Variants in FOXN3 observed in about 807,000 individuals in gnomAD.
FOXN3 encodes the protein forkhead box N3.
FOXN3 carries 7 observed loss-of-function variants against 38.4 expected under a neutral mutation model. The observed-to-expected ratio is 0.18, with a 90% CI of 0.10 to 0.34. FOXN3 has a LOEUF of 0.34. Among genes scored for constraint, FOXN3 ranks in the 10% least tolerant of loss-of-function variants. The pLI, the probability that FOXN3 is intolerant of heterozygous loss-of-function variation, is 1.00. For synonymous variants in FOXN3, 230 were observed against 242.2 expected, an observed-to-expected ratio of 0.95 and a Z score of 0.47; for missense variants, 456 against 613.4, an observed-to-expected ratio of 0.74 and a Z score of 2.71.
chr14:89,198,997 GAAGT>G (rs1596097286), intron 4 of FOXN3, among the ~76,000 whole-genome samples: 1 of 152,178 alleles, frequency 6.6e-6, no homozygotes, highest in Admixed American at 6.5e-5. Context: ...TGAAATCACT[GAAGT>G]AAGTAAGAGC....
chr14:89,246,705 A>AT (rs1250561288), intron 4 of FOXN3, among the ~76,000 whole-genome samples: 9 of 151,562 alleles, frequency 5.9e-5, no homozygotes, highest in Admixed American at 5.9e-4. Context: ...CGCCTGGCTA[A>AT]TTTTTTGTAT....
At chr14:89,395,080 G>A (rs1182295969) in intron 2 of FOXN3, among the ~76,000 whole-genome samples, 2 of 152,212 alleles carry the variant, frequency 1.3e-5, no homozygotes, top group Non-Finnish European at 2.9e-5. Flanking sequence ...TGTTATGTAA[G>A]CTGCCACATC....
chr14:89,273,916 GA>G, intron 4 of FOXN3, among the ~76,000 whole-genome samples: 1 of 152,344 alleles, frequency 6.6e-6, no homozygotes, highest in East Asian at 1.9e-4. Context: ...GTGTTGGGGG[GA>G]ATGGAGAGAG....
intron 2 of FOXN3, among the ~76,000 whole-genome samples, chr14:89,397,148 G>T (rs952661707): frequency 5.3e-5 from 8 of 152,098 alleles, no homozygotes; most frequent in African/African-American, 1.7e-4. Context: ...CATGGATGCA[G>T]CTGGAGGCCA....
In FOXN3 at chr14:89,181,016, G is replaced by GCACA. The variant is rs149735845; in HGVS notation, c.746-214_746-211dup. Among the ~76,000 whole-genome samples, 834 of 149,250 alleles carry GCACA rather than the reference G, an allele frequency of 5.6e-3. 6 individuals carry two copies. The highest frequency in any genetic ancestry group is 7.7e-3 in the Non-Finnish European group (519 of 67,118). ...CACACACTCACACAGTCATGCACGCGCACACACACACACATGCAGACACGT... is the reference window on the plus strand; with the variant it reads ...CACACACTCACACAGTCATGCACGCGCACACACACACACACACATGCAGACACGT... On this transcript the variant is annotated intron_variant, in intron 4 of 5. Coordinates refer to ENST00000557258, the MANE Select transcript of FOXN3 (RefSeq NM_005197.4).
rs151284527 is a variant in FOXN3 at position 89,367,726 on chromosome 14, C to T, written c.544-16918G>A. Among the ~76,000 whole-genome samples the T allele has an allele frequency of 5.2e-3, 796 of 152,260 alleles. 25 individuals carry two copies. Among genetic ancestry groups the T allele is most frequent in the Admixed American group, 0.046 (699 of 15,294 alleles). On this transcript the variant is annotated intron_variant, in intron 2 of 5. Coordinates refer to ENST00000557258, the MANE Select transcript of FOXN3 (RefSeq NM_005197.4). ...GAATCTACCCAGAAAGACCAACTGA[C>T]CTGGCCCCTGGGAACAGTGGCAGCA...
intron 1 of FOXN3, among the ~76,000 whole-genome samples, chr14:89,597,091 C>T (rs938811627): frequency 1.3e-5 from 2 of 152,092 alleles, no homozygotes; most frequent in Admixed American, 6.5e-5. Flanking sequence ...CTAATATATG[C>T]AAATATAAAT....
chr14:89,248,406 A>G (rs1219936142), intron 4 of FOXN3, among the ~76,000 whole-genome samples: 1 of 152,206 alleles, frequency 6.6e-6, no homozygotes, highest in South Asian at 2.1e-4. Context: ...CAGCAGAATA[A>G]TTTTGTGACT....
At position 89,205,716 on chromosome 14, in the gene FOXN3, G is replaced by A. The variant is rs183200161; in HGVS notation, c.746-24910C>T. Among the ~76,000 whole-genome samples, 352 of 152,326 alleles carry A rather than the reference G, an allele frequency of 2.3e-3. 4 individuals are homozygous for A. Among genetic ancestry groups the A allele is most frequent in the African/African-American group, 7.7e-3 (319 of 41,584 alleles). On this transcript the variant is annotated intron_variant, in intron 4 of 5. Transcript: ENST00000557258. ...CTAACTGAGCTGATTAACACAAGCC[G>A]CCTGCAGATGGCAAAACTGAAAGAG...
rs145222023 is a variant in FOXN3, at chr14:89,590,796, C to A, written c.-15+28232G>T. 2.2e-3 allele frequency among the ~76,000 whole-genome samples: 328 copies of A among 152,286 alleles called. 1 individual carries two copies. Among genetic ancestry groups the A allele is most frequent in the African/African-American group, 7.6e-3 (315 of 41,560 alleles). On this transcript the variant is annotated intron_variant, in intron 1 of 6. Transcript: ENST00000345097. ...TCTCTAACCTTCCCCTCCATCCCCACCTTTCTGTGCAAGAAATTCTCTGAT... is the reference window on the plus strand; with the variant it reads ...TCTCTAACCTTCCCCTCCATCCCCAACTTTCTGTGCAAGAAATTCTCTGAT...
chr14:89,521,822 C>A (rs560026347), intron 1 of FOXN3, among the ~76,000 whole-genome samples: 1 of 151,902 alleles, frequency 6.6e-6, no homozygotes, highest in Non-Finnish European at 1.5e-5. Flanking sequence ...CCCAGGAGTT[C>A]GAGACCAGCC....
At chr14:89,519,542 T>C (rs1894277755) in intron 1 of FOXN3, among the ~76,000 whole-genome samples, 1 of 139,994 alleles carries the variant, frequency 7.1e-6, no homozygotes, top group African/African-American at 2.8e-5. Flanking sequence ...TGGGCAAAGC[T>C]GTTGGCGACG....
At chr14:89,325,159 T>C (rs1396172660) in intron 3 of FOXN3, among the ~76,000 whole-genome samples, 1 of 151,998 alleles carries the variant, frequency 6.6e-6, no homozygotes, top group Non-Finnish European at 1.5e-5. Flanking sequence ...CAGAAAGTTC[T>C]GCTGAGCTAT....
chr14:89,464,580 C>CA (rs1274555952), intron 1 of FOXN3, among the ~76,000 whole-genome samples: 28 of 152,126 alleles, frequency 1.8e-4, no homozygotes, highest in Non-Finnish European at 3.8e-4. Context: ...GCTGTGTCCC[C>CA]ACCCAAATCT....
chr14:89,563,358 C>T (rs888693536), intron 1 of FOXN3, among the ~76,000 whole-genome samples: 3 of 152,128 alleles, frequency 2.0e-5, no homozygotes, highest in Non-Finnish European at 2.9e-5. Flanking sequence ...TTCTCAGAAC[C>T]GCAGTGAGGC....
At chr14:89,431,321 C>T (rs1234444687) in intron 1 of FOXN3, among the ~76,000 whole-genome samples, 3 of 152,176 alleles carry the variant, frequency 2.0e-5, no homozygotes, top group African/African-American at 7.2e-5. Context: ...AGTGATTCTC[C>T]TGCCTTAGCC....
intron 4 of FOXN3, among the ~76,000 whole-genome samples, chr14:89,252,374 G>T (rs376334171): frequency 6.6e-6 from 1 of 152,138 alleles, no homozygotes; most frequent in African/African-American, 2.4e-5. Flanking sequence ...CAGGAAATTG[G>T]CTGGGTGCAG....
chr14:89,564,494 T>C (rs1895310004), intron 1 of FOXN3, among the ~76,000 whole-genome samples: 1 of 152,172 alleles, frequency 6.6e-6, no homozygotes, highest in South Asian at 2.1e-4. Flanking sequence ...TAATAATACA[T>C]GGACGGGACT....
In FOXN3 at chr14:89,347,811, G is replaced by C. The variant is rs183135564; in HGVS notation, c.680+2861C>G. Reference sequence around the variant, plus strand: ...TACGAAAAATACAAAAATTAGCTGGGTGTGGTGGCGCCTGCCTGTAGTCCC... The same window carrying C: ...TACGAAAAATACAAAAATTAGCTGGCTGTGGTGGCGCCTGCCTGTAGTCCC... On this transcript the variant is annotated intron_variant, in intron 3 of 5. Coordinates refer to ENST00000557258, the MANE Select transcript of FOXN3 (RefSeq NM_005197.4). 9.6e-3 allele frequency among the ~76,000 whole-genome samples: 1,464 copies of C among 152,236 alleles called. 17 individuals are homozygous for C. Among genetic ancestry groups the C allele is most frequent in the Non-Finnish European group, 0.011 (739 of 68,016 alleles).
Sources: allele counts gnomAD v4.1 joint callset (sites outside exome capture counted in the v4.1 genomes callset), GRCh38; gene constraint gnomAD v4.1.1; transcripts MANE v1.5; gene names NCBI Gene and HGNC (gene_info 2026-07-23, HGNC 2026-07-21).